The following ZNF469 variants were observed in gnomAD, a reference collection of about 807,000 sequenced individuals.
ZNF469 encodes the protein zinc finger protein 469.
Under a neutral mutation model 1.0 loss-of-function variants are expected in ZNF469, and 1 was observed. That is an observed-to-expected ratio of 1.00 (90% CI 0.35 to 4.73). The LOEUF (loss-of-function observed/expected upper bound fraction) is 4.73, where lower values mean the gene tolerates loss of function less well. Ranked by LOEUF, ZNF469 falls within the 30% of genes most tolerant of loss-of-function variation. The probability of loss-of-function intolerance (pLI) is 0.16; values close to 1 mark genes in which losing one functional copy is unlikely to be tolerated. For missense variants in ZNF469, 6,100 were observed against 5,356.3 expected (o/e 1.14, Z -4.33); for synonymous variants, 2,703 against 2,363.4 (o/e 1.14, Z -4.17).
the ZNF469 span, among the ~76,000 whole-genome samples, chr16:88,208,099 C>A: frequency 6.6e-6 from 1 of 151,716 alleles, no homozygotes; most frequent in Admixed American, 6.6e-5. Flanking sequence ...AGTGTGGACT[C>A]GTGGCTTTTT....
chr16:88,361,933 T>C, the ZNF469 span, among the ~76,000 whole-genome samples: 8 of 152,234 alleles, frequency 5.3e-5, no homozygotes, highest in African/African-American at 1.7e-4. Context: ...TTGGATTGCA[T>C]TGACACTTCT....
At chr16:88,269,962 T>C in the ZNF469 span, among the ~76,000 whole-genome samples, 1 of 151,986 alleles carries the variant, frequency 6.6e-6, no homozygotes, top group African/African-American at 2.4e-5. Flanking sequence ...AGCAGAGTGT[T>C]TTCTAGAAAC....
At chr16:88,415,824 C>T (rs926168720) in intron 1 of ZNF469, among the ~76,000 whole-genome samples, 1 of 152,226 alleles carries the variant, frequency 6.6e-6, no homozygotes, top group East Asian at 1.9e-4. Context: ...CCCGCATGAT[C>T]ATTGGACCGA....
the ZNF469 span, among the ~76,000 whole-genome samples, chr16:88,328,087 G>C: frequency 6.6e-6 from 1 of 152,162 alleles, no homozygotes; most frequent in East Asian, 1.9e-4. Context: ...TGGGAGCCAC[G>C]GTCCTAAAGC....
the ZNF469 span, chr16:88,234,972 T>A: frequency 6.8e-6 from 1 of 147,550 alleles, no homozygotes; most frequent in Non-Finnish European, 1.5e-5. Context: ...CCGAGCGGGG[T>A]GGGGGCGGCT....
the ZNF469 span, among the ~76,000 whole-genome samples, chr16:88,327,952 C>T: frequency 6.6e-5 from 10 of 152,350 alleles, no homozygotes; most frequent in East Asian, 1.5e-3. Flanking sequence ...GGCTCCATCA[C>T]GGCTGCACAC....
the ZNF469 span, among the ~76,000 whole-genome samples, chr16:88,293,280 G>A: frequency 6.6e-6 from 1 of 151,704 alleles, no homozygotes; most frequent in Non-Finnish European, 1.5e-5. Context: ...GTGGATGGAT[G>A]GGTGGACACG....
the ZNF469 span, among the ~76,000 whole-genome samples, chr16:88,293,191 T>C: frequency 1.3e-5 from 2 of 151,628 alleles, no homozygotes; most frequent in East Asian, 3.9e-4. Context: ...GGTGGATGGA[T>C]GGATGAATGG....
the ZNF469 span, among the ~76,000 whole-genome samples, chr16:88,318,898 G>A: frequency 3.4e-4 from 52 of 152,380 alleles, no homozygotes; most frequent in Non-Finnish European, 5.0e-4. Context: ...GTCCTCACCA[G>A]GGCAGCAGCA....
the ZNF469 span, among the ~76,000 whole-genome samples, chr16:88,274,165 G>C: frequency 6.6e-6 from 1 of 152,162 alleles, no homozygotes; most frequent in African/African-American, 2.4e-5. Flanking sequence ...CGGACCCTGA[G>C]GACATTCTGC....
chr16:88,339,754 A>ATG, the ZNF469 span, among the ~76,000 whole-genome samples: 1 of 91,370 alleles, frequency 1.1e-5, no homozygotes. Flanking sequence ...GATGGGGGAC[A>ATG]GACTGGCAGG....
At chr16:88,297,547 A>G in the ZNF469 span, among the ~76,000 whole-genome samples, 1 of 152,168 alleles carries the variant, frequency 6.6e-6, no homozygotes, top group African/African-American at 2.4e-5. Flanking sequence ...GGGAAACGGA[A>G]GCTGTTGCCA....
Position 88,434,342 on chromosome 16 carries a change from C to T in ZNF469, c.6872C>T (p.Thr2291Ile), listed in dbSNP as rs992962962. The change falls in exon 3 of 3, where the codon ACT (threonine) becomes ATT (isoleucine). Residue 2291 changes from threonine to isoleucine, a missense_variant. Transcript: ENST00000565624. ...VAVRATGLSS[T>I]PTGDEAQAGR... is the part of the protein sequence containing the mutation. ...GTCAGGGCTACTGGCCTGTCCAGCACTCCCACCGGAGATGAGGCACAGGCA... is the reference window on the plus strand; with the variant it reads ...GTCAGGGCTACTGGCCTGTCCAGCATTCCCACCGGAGATGAGGCACAGGCA... 2.0e-5 allele frequency: 31 copies of T among 1,550,148 alleles called. No homozygotes were observed. The highest frequency in any genetic ancestry group is 2.4e-5 in the Non-Finnish European group (27 of 1,146,982).
At chr16:88,308,825 C>T in the ZNF469 span, among the ~76,000 whole-genome samples, 1 of 152,064 alleles carries the variant, frequency 6.6e-6, no homozygotes, top group Non-Finnish European at 1.5e-5. Context: ...GCCATGAGAA[C>T]ATGCCTCTCA....
At chr16:88,327,583 C>T in the ZNF469 span, among the ~76,000 whole-genome samples, 3 of 152,106 alleles carry the variant, frequency 2.0e-5, no homozygotes, top group Admixed American at 1.3e-4. Context: ...CGGTGGGCTG[C>T]GTCACCGGCA....
the ZNF469 span, among the ~76,000 whole-genome samples, chr16:88,189,801 C>G: frequency 6.6e-6 from 1 of 152,152 alleles, no homozygotes; most frequent in Non-Finnish European, 1.5e-5. This position sits in a 1 kb window ranked among gnomAD's most constrained non-coding sequence, Gnocchi z 4.3. Context: ...CACCTGTAAT[C>G]CCAAGTACTT....
the ZNF469 span, among the ~76,000 whole-genome samples, chr16:88,130,783 C>G: frequency 2.0e-5 from 3 of 151,578 alleles, no homozygotes; most frequent in Admixed American, 2.0e-4. Context: ...GGTTCAGACA[C>G]ACGAAGACAG....
At chr16:88,236,272 C>T in the ZNF469 span, among the ~76,000 whole-genome samples, 7 of 152,324 alleles carry the variant, frequency 4.6e-5, no homozygotes, top group South Asian at 2.1e-4. Context: ...TTTGCGGGGC[C>T]GTTTAAAATT....
the ZNF469 span, among the ~76,000 whole-genome samples, chr16:88,159,394 G>A: frequency 2.6e-5 from 4 of 152,144 alleles, no homozygotes; most frequent in South Asian, 2.1e-4. Context: ...ACCGTGCCAC[G>A]GCTCACGGGT....
Sources: allele counts gnomAD v4.1 joint callset (sites outside exome capture counted in the v4.1 genomes callset), GRCh38; gene constraint gnomAD v4.1.1; non-coding constraint Gnocchi (gnomAD v3.1); transcripts MANE v1.5; gene names NCBI Gene and HGNC (gene_info 2026-07-23, HGNC 2026-07-21).